HMCN1: variants seen among roughly 807,000 people sequenced by gnomAD.
The protein encoded by HMCN1 is hemicentin-1.
In HMCN1, 321 loss-of-function variants were observed where a neutral mutation model predicts 625.9. The observed-to-expected ratio is 0.51, with a 90% CI of 0.47 to 0.56. HMCN1 has a LOEUF of 0.56. Among genes scored for constraint, HMCN1 ranks in the 20% least tolerant of loss-of-function variants. The probability of loss-of-function intolerance (pLI) is 0.00; values close to 1 mark genes in which losing one functional copy is unlikely to be tolerated. For synonymous variants in HMCN1, 2,425 were observed against 2,417.6 expected, an observed-to-expected ratio of 1.00 and a Z score of -0.09; for missense variants, 6,588 against 6,887.3, an observed-to-expected ratio of 0.96 and a Z score of 1.54.
chr1:185,780,538 T>C (rs1656998270), intron 1 of HMCN1, among the ~76,000 whole-genome samples: 1 of 152,226 alleles, frequency 6.6e-6, no homozygotes, highest in Non-Finnish European at 1.5e-5. Flanking sequence ...ACCTAATTTA[T>C]TGAGAGTTTT....
intron 1 of HMCN1, among the ~76,000 whole-genome samples, chr1:185,794,251 C>T (rs1341627602): frequency 6.6e-6 from 1 of 151,856 alleles, no homozygotes; most frequent in Non-Finnish European, 1.5e-5. Context: ...GCTCTCAGGC[C>T]CCAATTATGA....
At chr1:186,119,394 A>T (rs1323032478) in intron 78 of HMCN1, 96 bp downstream of exon 78, 1 of 923,350 alleles carries the variant, frequency 1.1e-6, no homozygotes, top group East Asian at 2.4e-5. Flanking sequence ...GTCGAGAGCT[A>T]TGAACCATAG....
intron 49 of HMCN1, among the ~76,000 whole-genome samples, chr1:186,066,466 C>T (rs1658120532): frequency 2.0e-5 from 3 of 152,180 alleles, no homozygotes; most frequent in Non-Finnish European, 2.9e-5. Flanking sequence ...ACTTATCCTT[C>T]TTGTTCAGTT....
At chr1:185,951,884 CT>C (rs1649197126) in intron 11 of HMCN1, among the ~76,000 whole-genome samples, 1 of 151,796 alleles carries the variant, frequency 6.6e-6, no homozygotes, top group South Asian at 2.1e-4. Flanking sequence ...GGAATTGCAA[CT>C]TTTTTCTGTT....
At chr1:185,908,520 C>T (rs1666226698) in intron 4 of HMCN1, among the ~76,000 whole-genome samples, 1 of 151,902 alleles carries the variant, frequency 6.6e-6, no homozygotes, top group South Asian at 2.1e-4. Flanking sequence ...AGTACCTGCC[C>T]AGACATGCAC....
chr1:186,123,071 G>C lies in HMCN1; in HGVS notation c.12350G>C (p.Arg4117Pro), dbSNP rs146369421. ...PPDITWHKDGRAIVESIRQRV... is the reference protein window; with the variant it reads ...PPDITWHKDGPAIVESIRQRV... ...GACATTACATGGCATAAAGATGGGC[G>C]TGCAATTGTGGAATCTATCCGCCAG... is the stretch of plus-strand genomic sequence containing the variant. Residue 4117 changes from arginine (R) to proline (P), a missense_variant, in exon 81 of 107, where the codon CGT becomes CCT. Transcript: ENST00000271588. The C allele has an allele frequency of 1.2e-6, 2 of 1,613,968 alleles. No individual in the cohort carries two copies. Among genetic ancestry groups the C allele is most frequent in the Non-Finnish European group, 1.7e-6 (2 of 1,179,994 alleles).
At chr1:186,050,257 A>G (rs1180594746) in intron 42 of HMCN1, among the ~76,000 whole-genome samples, 3 of 151,918 alleles carry the variant, frequency 2.0e-5, no homozygotes, top group African/African-American at 7.2e-5. Flanking sequence ...TATTTGAGGT[A>G]CCTGTGGACT....
At chr1:186,151,092 T>A in intron 93 of HMCN1, 108 bp from the exon 94 acceptor site, 6 of 1,056,752 alleles carry the variant, frequency 5.7e-6, no homozygotes, top group Non-Finnish European at 8.6e-6. Context: ...ACCTTTTTGA[T>A]GTTTGAGAAA....
chr1:185,862,342 A>G (rs1662926036), intron 2 of HMCN1, among the ~76,000 whole-genome samples: 1 of 152,120 alleles, frequency 6.6e-6, no homozygotes, highest in African/African-American at 2.4e-5. Flanking sequence ...TAGTGATAAG[A>G]AAAGTGACTA....
chr1:186,166,056 A>T (rs2102620537), intron 98 of HMCN1, 128 bp from the exon 99 acceptor site: 1 of 972,832 alleles, frequency 1.0e-6, no homozygotes, highest in Non-Finnish European at 1.6e-6. Context: ...TGTGGCACTT[A>T]AAGCATTTTC....
At chr1:185,953,179 G>T (rs1458912115) in intron 11 of HMCN1, among the ~76,000 whole-genome samples, 2 of 151,432 alleles carry the variant, frequency 1.3e-5, no homozygotes, top group African/African-American at 4.9e-5. Flanking sequence ...CCCCAGAAAA[G>T]CAGAGAAGGG....
chr1:185,952,482 C>T (rs1649275744), intron 11 of HMCN1, among the ~76,000 whole-genome samples: 1 of 151,706 alleles, frequency 6.6e-6, no homozygotes, highest in African/African-American at 2.4e-5. Context: ...ACGAGTTGCA[C>T]TGGTCACAGA....
intron 67 of HMCN1, among the ~76,000 whole-genome samples, chr1:186,094,810 A>G (rs1395711449): frequency 6.6e-6 from 1 of 152,190 alleles, no homozygotes; most frequent in East Asian, 1.9e-4. Context: ...AAGTTTGCTG[A>G]TCCACATTTC....
Position 185,990,283 on chromosome 1 carries a change from A to G in HMCN1, c.3217A>G (p.Arg1073Gly), listed in dbSNP as rs756152275. The G allele has an allele frequency of 3.5e-5, 57 of 1,613,838 alleles. No homozygotes were observed. The highest frequency in any genetic ancestry group is 4.3e-5 in the Non-Finnish European group (51 of 1,179,814). The change falls in exon 22 of 107, where the codon AGA (arginine) becomes GGA (glycine). Residue 1073 changes from arginine (R) to glycine (G), a missense_variant. Arg to Gly is a moderately radical substitution (Grantham distance 125, BLOSUM62 -2). Around this residue, in one of 3 missense-constraint regions of HMCN1, gnomAD observed 4,628 missense variants for 4,853.1 expected, o/e 0.95. Coordinates refer to ENST00000271588, the MANE Select transcript of HMCN1 (RefSeq NM_031935.3). ...ACATGTGTTTATTTTAGTAAGGCCC[A>G]GAGTGTTTGGAGATCAACGAGGACT... Reference protein sequence around the residue: ...KVQLTVYVRPRVFGDQRGLSQ... With the variant: ...KVQLTVYVRPGVFGDQRGLSQ...
intron 100 of HMCN1, 101 bp downstream of exon 100, chr1:186,167,043 G>A: frequency 6.9e-7 from 1 of 1,443,864 alleles, no homozygotes; most frequent in Non-Finnish European, 9.7e-7. Flanking sequence ...CCACGAGGAA[G>A]GGACCACATA....
chr1:186,030,417 C>A (rs932305440), intron 36 of HMCN1, among the ~76,000 whole-genome samples: 8 of 152,044 alleles, frequency 5.3e-5, no homozygotes, highest in Middle Eastern at 3.4e-3. Context: ...GATGAATTAA[C>A]CTTTTGTATT....
chr1:186,077,458 G>A (rs1354777233), intron 54 of HMCN1, among the ~76,000 whole-genome samples: 1 of 152,046 alleles, frequency 6.6e-6, no homozygotes, highest in Non-Finnish European at 1.5e-5. Context: ...ATGAAATATG[G>A]ATTTATGAGT....
At chr1:185,990,519 G>A in intron 22 of HMCN1, 76 bp downstream of exon 22, 2 of 1,238,658 alleles carry the variant, frequency 1.6e-6, no homozygotes, top group South Asian at 2.4e-5. Context: ...GCCTATTCAG[G>A]TTATCAAACG....
Position 186,134,625 on chromosome 1 carries a change from T to C in HMCN1, c.13313-2043T>C, listed in dbSNP as rs924649518. 2.6e-5 allele frequency among the ~76,000 whole-genome samples: 4 copies of C among 152,152 alleles called. No homozygotes were observed. The East Asian group carries it at 7.7e-4, about 29-fold the overall frequency. ...GGAATTACTTTTTTAAAAGACAACA[T>C]GTCACGGATACCTTTGCAGAAAAAA... On this transcript the variant is annotated intron_variant, in intron 86 of 106. Coordinates refer to ENST00000271588, the MANE Select transcript of HMCN1 (RefSeq NM_031935.3).
Sources: gnomAD v4.1 joint callset for allele counts (sites outside exome capture counted in the v4.1 genomes callset) on GRCh38, gnomAD v4.1.1 for gene constraint, gnomAD v4.1.1 regional missense constraint, MANE v1.5 for transcripts, NCBI Gene and HGNC (gene_info 2026-07-23, HGNC 2026-07-21) for gene names.